The following ZNF714 variants were observed in gnomAD, a reference collection of about 807,000 sequenced individuals.
ZNF714 encodes zinc finger protein 714.
Under a neutral mutation model 46.2 loss-of-function variants are expected in ZNF714, and 32 were observed. The ratio of observed to expected loss-of-function variants is 0.69; its 90% CI spans 0.52 to 0.93. The LOEUF (loss-of-function observed/expected upper bound fraction) is 0.93, where lower values mean the gene tolerates loss of function less well. ZNF714 is among the 40% of genes least tolerant of loss of function. ZNF714 has a pLI of 0.00. For synonymous variants in ZNF714, 199 were observed against 213.1 expected, an observed-to-expected ratio of 0.93 and a Z score of 0.58; for missense variants, 635 against 646.3, an observed-to-expected ratio of 0.98 and a Z score of 0.19.
In ZNF714 at chr19:21,112,816, A is replaced by ATTT. The variant is rs74172391; in HGVS notation, c.143-3969_143-3967dup. On this transcript the variant is annotated intron_variant, in intron 4 of 4. Transcript: ENST00000456283. ...GTTTCAAATAGTTTTTTTATTTCTG[A>ATTT]TTTTTTTTTTTTTTTTTTTTTTTTG... Among the ~76,000 whole-genome samples the ATTT allele has an allele frequency of 7.2e-3, 313 of 43,216 alleles. 34 individuals carry two copies. Among genetic ancestry groups the ATTT allele is most frequent in the African/African-American group, 0.013 (167 of 12,936 alleles). The allele number at this position is 43,216 out of a possible 152,430, so 28.4% of individuals were successfully genotyped here. A position where few individuals can be genotyped will look rare whatever the true frequency, so the allele number is the denominator to read the frequency against.
chr19:21,106,940 C>T (rs954070189), intron 4 of ZNF714, among the ~76,000 whole-genome samples: 1 of 151,982 alleles, frequency 6.6e-6, no homozygotes, highest in African/African-American at 2.4e-5. Context: ...GATTATCCTG[C>T]CTCCAGCTCC....
chr19:21,106,919 C>T (rs1013764773), intron 4 of ZNF714, among the ~76,000 whole-genome samples: 7 of 152,026 alleles, frequency 4.6e-5, no homozygotes, highest in Admixed American at 1.3e-4. Flanking sequence ...CTCTGCCTCC[C>T]GGGTTCAAGC....
At position 21,118,229 on chromosome 19, in the gene ZNF714, A is replaced by C; in HGVS notation, c.1565A>C (p.Gln522Pro). 6.4e-7 allele frequency: 1 copy of C among 1,574,410 alleles called. No individual in the cohort carries two copies. Among genetic ancestry groups the C allele is most frequent in the Non-Finnish European group, 8.6e-7 (1 of 1,156,350 alleles). ...AACACTTTGAGAGGACTAGGTGAGC[A>C]GATCGCGAGGTCAGGAGTTCAAGAC... ...NPNTLRGLGE[Q>P]IARSGVQDQP... Residue 522 changes from glutamine to proline, a missense_variant, in exon 5 of 5, where the codon CAG (glutamine) becomes CCG (proline). Coordinates refer to ENST00000456283, the MANE Select transcript of ZNF714 (RefSeq NM_182515.4).
chr19:21,091,894 A>T (rs1199571972), intron 2 of ZNF714: 1 of 152,080 alleles, frequency 6.6e-6, no homozygotes, highest in African/African-American at 2.4e-5. Context: ...GGCATCTACA[A>T]TGAGGGCAAT....
intron 2 of ZNF714, among the ~76,000 whole-genome samples, chr19:21,087,190 G>A (rs1371246864): frequency 7.8e-6 from 1 of 128,808 alleles, no homozygotes; most frequent in Non-Finnish European, 1.6e-5. Context: ...CAACTTGATT[G>A]TCTGCATGGG....
chr19:21,083,691 C>A (rs778486281), intron 1 of ZNF714, among the ~76,000 whole-genome samples: 4 of 152,204 alleles, frequency 2.6e-5, no homozygotes, highest in Admixed American at 2.6e-4. Context: ...CTGTTTGTAA[C>A]TTTCCCATGA....
rs200891725 is a variant in ZNF714 at position 21,082,347 on chromosome 19, T to C, written c.-178T>C. 1,243 of 1,455,714 alleles carry C rather than the reference T, an allele frequency of 8.5e-4. 2 individuals are homozygous for C. Among genetic ancestry groups the C allele is most frequent in the Non-Finnish European group, 1.0e-3 (1,111 of 1,076,712 alleles). The allele number at this position is 1,455,714 out of a possible 1,614,324, so 90.2% of individuals were successfully genotyped here. On this transcript the variant is annotated splice_region_variant and 5_prime_UTR_variant, in exon 1 of 5. An upstream start codon of the reference 5' UTR is lost. Transcript: ENST00000456283. ...GCCAGGTACCCCGGAAGCCTAGAAA[T>C]GGTGAGAGTGCCGGGTCCGACATCC...
rs542251450 is a variant in ZNF714 at position 21,123,344 on chromosome 19, C to CT, written c.*5019dup. Among the ~76,000 whole-genome samples, 1 of 151,690 alleles carries CT rather than the reference C, an allele frequency of 6.6e-6. No homozygotes were observed. Among genetic ancestry groups the CT allele is most frequent in the African/African-American group, 2.4e-5 (1 of 41,302 alleles). ...GTTAATAGTAAACGAATTTAATTTT[C>CT]TTTTTTTATTTTTACTTTTTATTTT... On this transcript the variant is annotated 3_prime_UTR_variant, in exon 5 of 5. Transcript: ENST00000456283.
In ZNF714 at chr19:21,118,258, C is replaced by T; in HGVS notation, c.1594C>T (p.Pro532Ser). Residue 532 changes from proline to serine, a missense_variant, in exon 5 of 5, where the codon CCT becomes TCT. Physicochemically the swap from Pro to Ser is moderately conservative, Grantham distance 74. Coordinates refer to ENST00000456283, the MANE Select transcript of ZNF714 (RefSeq NM_182515.4). ...CGCGAGGTCAGGAGTTCAAGACCAG[C>T]CTGGCCAACATGGTAAAACCCCATC... ...QIARSGVQDQ[P>S]GQHGKTPSLL... is the part of the protein sequence containing the mutation. The T allele has an allele frequency of 6.9e-7, 1 of 1,459,774 alleles. No individual in the cohort carries two copies. Among genetic ancestry groups the T allele is most frequent in the African/African-American group, 1.4e-5 (1 of 71,246 alleles). The allele number at this position is 1,459,774 out of a possible 1,614,324, so 90.4% of individuals were successfully genotyped here.
In ZNF714 at chr19:21,116,841, A is replaced by G. The variant is rs774028169; in HGVS notation, c.177A>G (p.Pro59=). 6.2e-6 allele frequency: 10 copies of G among 1,607,254 alleles called. No individual in the cohort carries two copies. Among genetic ancestry groups the G allele is most frequent in the Non-Finnish European group, 8.5e-6 (10 of 1,178,198 alleles). Residue 59 remains proline (P), a synonymous_variant, in exon 5 of 5, where the codon CCA becomes CCG. Coordinates refer to ENST00000456283, the MANE Select transcript of ZNF714 (RefSeq NM_182515.4). ...CTTCTTTTACCAGAGACCTTTGGCC[A>G]GAGCAAGACATAAAAGATTCTTTTC... ...MCSSFTRDLW[P]EQDIKDSFQQ...
intron 4 of ZNF714, among the ~76,000 whole-genome samples, chr19:21,105,026 C>T (rs924467323): frequency 6.2e-5 from 8 of 129,756 alleles, no homozygotes; most frequent in Admixed American, 8.6e-5. Context: ...TCATTTCTTT[C>T]TTTTTTTTTT....
intron 2 of ZNF714, among the ~76,000 whole-genome samples, chr19:21,092,570 A>G (rs1412621908): frequency 1.3e-5 from 2 of 152,096 alleles, no homozygotes; most frequent in Admixed American, 6.5e-5. Flanking sequence ...TTCCCCACGC[A>G]TGGATTTTTT....
chr19:21,093,005 G>T (rs916281487), intron 2 of ZNF714, among the ~76,000 whole-genome samples: 7 of 149,084 alleles, frequency 4.7e-5, no homozygotes, highest in African/African-American at 1.7e-4. Flanking sequence ...CGCCTCCCGG[G>T]TTCATGCCAT....
Position 21,122,709 on chromosome 19 carries a change from A to G in ZNF714, c.*4377A>G, listed in dbSNP as rs982143270. 2.0e-5 allele frequency: 3 copies of G among 151,914 alleles called. No homozygotes were observed. Among genetic ancestry groups the G allele is most frequent in the African/African-American group, 7.3e-5 (3 of 41,328 alleles). 9.4% of individuals were successfully genotyped at this position (151,914 alleles called of 1,614,324 possible). ...ATGCATCACAGCCCTTCTTTTTCTG[A>G]GTTATAGCTACAGTTTTCTGACTGT... On this transcript the variant is annotated 3_prime_UTR_variant, in exon 5 of 5. Transcript: ENST00000456283.
At position 21,123,473 on chromosome 19, in the gene ZNF714, G is replaced by A. The variant is rs938626558; in HGVS notation, c.*5141G>A. Among the ~76,000 whole-genome samples the A allele has an allele frequency of 6.6e-6, 1 of 151,964 alleles. No homozygotes were observed. Among genetic ancestry groups the A allele is most frequent in the African/African-American group, 2.4e-5 (1 of 41,394 alleles). ...GGGTTCACGCCATTCTCCCGCCTCA[G>A]CCTCCCGAGTAGCTGGGACTACAGG... On this transcript the variant is annotated 3_prime_UTR_variant, in exon 5 of 5. Coordinates refer to ENST00000456283, the MANE Select transcript of ZNF714 (RefSeq NM_182515.4).
At chr19:21,099,021 A>C in intron 4 of ZNF714, 111 bp downstream of exon 4, 1 of 595,862 alleles carries the variant, frequency 1.7e-6, no homozygotes, top group Non-Finnish European at 2.8e-6. Context: ...TTTGCAAAGT[A>C]TATAGTTTCT....
chr19:21,117,486 ACATAAGTT>A lies in ZNF714; in HGVS notation c.826_833del (p.Lys276SerfsTer3). On this transcript the variant is annotated frameshift_variant, in exon 5 of 5. Transcript: ENST00000456283. LOFTEE classifies it high-confidence loss of function. The stretch of plus-strand genomic sequence containing the variant: ...TTAACCACCCTTCAGCCCTTACTAC[ACATAAGTT>A]CATTCATGTTAAAGAAAAACCCTAC... 6.2e-7 allele frequency: 1 copy of A among 1,610,288 alleles called. No individual in the cohort carries two copies. Among genetic ancestry groups the A allele is most frequent in the South Asian group, 1.1e-5 (1 of 90,850 alleles).
intron 1 of ZNF714, among the ~76,000 whole-genome samples, chr19:21,083,374 C>T (rs1304114327): frequency 6.6e-6 from 1 of 152,066 alleles, no homozygotes; most frequent in Non-Finnish European, 1.5e-5. Context: ...ACTAGAGACA[C>T]CTCAGTCTAA....
chr19:21,107,016 A>G (rs10411038), intron 4 of ZNF714, among the ~76,000 whole-genome samples: 124,469 of 151,954 alleles, frequency 0.82, 52,933 homozygotes, highest in Middle Eastern at 0.93. Context: ...TAGTAGAGAC[A>G]GGATTTCGCC....
Sources: allele counts gnomAD v4.1 joint callset (sites outside exome capture counted in the v4.1 genomes callset), GRCh38; gene constraint gnomAD v4.1.1; transcripts MANE v1.5; gene names NCBI Gene and HGNC (gene_info 2026-07-23, HGNC 2026-07-21).